The following ACADL variants were observed in gnomAD, a reference collection of about 807,000 sequenced individuals.
ACADL encodes the protein acyl-CoA dehydrogenase long chain.
Under a neutral mutation model 56.9 loss-of-function variants are expected in ACADL, and 60 were observed. That is an observed-to-expected ratio of 1.05 (90% CI 0.86 to 1.31). The LOEUF (loss-of-function observed/expected upper bound fraction) is 1.31. Among genes scored for constraint, ACADL ranks in the 50% most tolerant of loss-of-function variants. ACADL has a pLI of 0.00. For missense variants in ACADL, 484 were observed against 525.5 expected (o/e 0.92, Z 0.77); for synonymous variants, 158 against 179.7 (o/e 0.88, Z 0.97).
In ACADL at chr2:210,199,517, C is replaced by T. The variant is rs192523576; in HGVS notation, c.984+3814G>A. 2.6e-5 allele frequency among the ~76,000 whole-genome samples: 4 copies of T among 151,990 alleles called. No homozygotes were observed. In the East Asian group the frequency reaches 7.7e-4, roughly 29 times the overall value. ...AGAATATTTTTCCCCTATGAGAAAA[C>T]AATATGGACCACTTTCCTATTTCCT... On this transcript the variant is annotated intron_variant, in intron 8 of 10. Coordinates refer to ENST00000233710, the MANE Select transcript of ACADL (RefSeq NM_001608.4).
rs1688659173 is a variant in ACADL at position 210,192,982 on chromosome 2, T to A, written c.1113-92A>T. 7.4e-6 allele frequency: 7 copies of A among 939,664 alleles called. No homozygotes were observed. The East Asian group carries it at 1.8e-4, about 24-fold the overall frequency. 58.2% of individuals were successfully genotyped at this position (939,664 alleles called of 1,614,324 possible). On this transcript the variant is annotated intron_variant, in intron 9 of 10. Coordinates refer to ENST00000233710, the MANE Select transcript of ACADL (RefSeq NM_001608.4). ...CCAGAAAACTAATTATTTACAATTG[T>A]TTAAATGTGCACATTTATTAAGCAA...
intron 1 of ACADL, among the ~76,000 whole-genome samples, chr2:210,223,124 TA>T (rs1379536703): frequency 2.0e-5 from 3 of 152,066 alleles, no homozygotes; most frequent in African/African-American, 7.2e-5. Context: ...GTAAAATATA[TA>T]AAGACATAGG....
intron 8 of ACADL, among the ~76,000 whole-genome samples, chr2:210,198,157 T>C (rs1031454217): frequency 2.0e-5 from 3 of 152,184 alleles, no homozygotes; most frequent in African/African-American, 7.2e-5. Flanking sequence ...CATTAAAAAT[T>C]ATTCTGAAGT....
intron 7 of ACADL, among the ~76,000 whole-genome samples, chr2:210,204,122 T>G (rs995412733): frequency 5.9e-5 from 9 of 152,214 alleles, no homozygotes; most frequent in African/African-American, 2.2e-4. Flanking sequence ...AATAATCACT[T>G]GTCAACCATA....
At chr2:210,201,783 A>G (rs1456948996) in intron 8 of ACADL, among the ~76,000 whole-genome samples, 1 of 152,190 alleles carries the variant, frequency 6.6e-6, no homozygotes, top group East Asian at 1.9e-4. Flanking sequence ...AAAAGAAACT[A>G]TAGGGTCTAA....
At position 210,217,989 on chromosome 2, in the gene ACADL, G is replaced by T. The variant is rs770592066; in HGVS notation, c.347C>A (p.Ser116Tyr). Residue 116 changes from serine (S) to tyrosine (Y), a missense_variant, in exon 3 of 11, where the codon TCC (serine) becomes TAC (tyrosine). Ser to Tyr is a moderately radical substitution (Grantham distance 144, BLOSUM62 -2). Coordinates refer to ENST00000233710, the MANE Select transcript of ACADL (RefSeq NM_001608.4). Reference protein sequence around the residue: ...HLGGIGGDLYSAAIVWEEQAY... With the variant: ...HLGGIGGDLYYAAIVWEEQAY... Reference sequence around the variant, plus strand: ...CTGCTCCTCCCAGACAATAGCTGCGGAGTACAGATCCCCTCCAATTCCACC... The same window carrying T: ...CTGCTCCTCCCAGACAATAGCTGCGTAGTACAGATCCCCTCCAATTCCACC... 5 of 1,613,868 alleles carry T rather than the reference G, an allele frequency of 3.1e-6. No homozygotes were observed. In the African/African-American group the frequency reaches 6.7e-5, roughly 22 times the overall value.
In ACADL at chr2:210,204,562, A is replaced by C; in HGVS notation, c.870+19T>G. 2 of 1,504,424 alleles carry C rather than the reference A, an allele frequency of 1.3e-6. No individual in the cohort carries two copies. Among genetic ancestry groups the C allele is most frequent in the Non-Finnish European group, 1.9e-6 (2 of 1,080,870 alleles). 93.2% of individuals were successfully genotyped at this position (1,504,424 alleles called of 1,614,324 possible). On this transcript the variant is annotated intron_variant, in intron 7 of 10. Transcript: ENST00000233710. The stretch of plus-strand genomic sequence containing the variant: ...ATTCATTATTCAGTCAAAAGATGGA[A>C]TCTTTAAACACTTCTGACCTGTGGA...
In ACADL at chr2:210,220,983, C is replaced by T. The variant is rs149256415; in HGVS notation, c.78-181G>A. ...CGCCACCACTTTTGATGGGATCTAC[C>T]TCATGTAGCTGGAATTAAGAAGTAC... On this transcript the variant is annotated intron_variant, in intron 1 of 10. Transcript: ENST00000233710. Among the ~76,000 whole-genome samples the T allele has an allele frequency of 2.2e-3, 333 of 152,194 alleles. 2 individuals carry two copies. Among genetic ancestry groups the T allele is most frequent in the Non-Finnish European group, 3.9e-3 (265 of 67,998 alleles).
chr2:210,210,336 T>C (rs1575677725), intron 4 of ACADL, 74 bp from the exon 5 acceptor site: 2 of 1,146,920 alleles, frequency 1.7e-6, no homozygotes, highest in South Asian at 1.3e-5. Context: ...TAAGTATGTA[T>C]GTAAATTAGA....
At position 210,213,454 on chromosome 2, in the gene ACADL, C is replaced by T. The variant is rs376218748; in HGVS notation, c.536+2893G>A. Reference sequence around the variant, plus strand: ...GGTGGAGGTTGCAGTGAGCCGAGATCGCGCCATTGCACTCCAGCCTGGGTG... The same window carrying T: ...GGTGGAGGTTGCAGTGAGCCGAGATTGCGCCATTGCACTCCAGCCTGGGTG... On this transcript the variant is annotated intron_variant, in intron 4 of 10. Coordinates refer to ENST00000233710, the MANE Select transcript of ACADL (RefSeq NM_001608.4). Among the ~76,000 whole-genome samples, 58 of 151,786 alleles carry T rather than the reference C, an allele frequency of 3.8e-4. No individual in the cohort carries two copies. In the East Asian group the frequency reaches 9.9e-3, roughly 26 times the overall value.
intron 3 of ACADL, 43 bp downstream of exon 3, chr2:210,217,922 T>C (rs1427289473): frequency 1.2e-6 from 2 of 1,609,132 alleles, no homozygotes; most frequent in South Asian, 2.2e-5. Context: ...GTGAGTGGTG[T>C]GTTTACAAAA....
chr2:210,190,914 TTG>T (rs1460906344), intron 10 of ACADL, among the ~76,000 whole-genome samples: 6 of 113,600 alleles, frequency 5.3e-5, no homozygotes, highest in Non-Finnish European at 9.0e-5. Context: ...GTTGTTGTTG[TTG>T]TTGTTTGTTT....
intron 8 of ACADL, among the ~76,000 whole-genome samples, chr2:210,202,997 G>A (rs1423856496): frequency 6.6e-6 from 1 of 152,016 alleles, no homozygotes; most frequent in African/African-American, 2.4e-5. Flanking sequence ...ACTCCATGAA[G>A]CCCTCTTTCC....
At position 210,195,236 on chromosome 2, in the gene ACADL, C is replaced by T. The variant is rs149888279; in HGVS notation, c.1087G>A (p.Ala363Thr). ...CAATATTTCGCCATGCAAGCAGTGG[C>T]GGAGTCCAAACGTTTCGCTTCATGC... ...QLHEAKRLDS[A>T]TACMAKYWAS... The change falls in exon 9 of 11, where the codon GCC (alanine) becomes ACC (threonine). Residue 363 changes from alanine (A) to threonine (T), a missense_variant. Transcript: ENST00000233710. The T allele has an allele frequency of 4.0e-5, 65 of 1,613,840 alleles. No homozygotes were observed. In the African/African-American group the frequency reaches 4.7e-4, roughly 12 times the overall value.
intron 8 of ACADL, among the ~76,000 whole-genome samples, chr2:210,200,124 A>T (rs1255810292): frequency 6.8e-6 from 1 of 147,788 alleles, no homozygotes; most frequent in Non-Finnish European, 1.5e-5. Flanking sequence ...TACTCATTCC[A>T]CTTTGGGTAC....
rs1575675406 is a variant in ACADL at position 210,204,601 on chromosome 2, T to C, written c.850A>G (p.Ile284Val). 5.6e-6 allele frequency: 9 copies of C among 1,608,920 alleles called. No individual in the cohort carries two copies. Among genetic ancestry groups the C allele is most frequent in the Non-Finnish European group, 7.7e-6 (9 of 1,175,528 alleles). ...LGEENKGFYY[I>V]MKELPQERLL... ...CTGACCTGTGGAAGCTCTTTCATGA[T>C]GTAATAGAAGCCTTTATTCTCTTCT... The change falls in exon 7 of 11, where the codon ATC becomes GTC. Residue 284 changes from isoleucine to valine, a missense_variant. By Grantham distance (29) the Ile-to-Val change is conservative. Transcript: ENST00000233710.
chr2:210,195,159 T>C, intron 9 of ACADL, 52 bp downstream of exon 9: 3 of 1,612,372 alleles, frequency 1.9e-6, no homozygotes, highest in Non-Finnish European at 2.5e-6. Flanking sequence ...ATTGGCAGAA[T>C]TCCATATCAG....
chr2:210,217,748 C>A (rs1407783612), intron 3 of ACADL: 3 of 557,396 alleles, frequency 5.4e-6, no homozygotes, highest in Non-Finnish European at 9.3e-6. Flanking sequence ...TTTTCAATAG[C>A]ACCTATTTCA....
At position 210,218,075 on chromosome 2, in the gene ACADL, C is replaced by G. The variant is rs1214106512; in HGVS notation, c.261G>C (p.Arg87Ser). Reference sequence around the variant, plus strand: ...GTTTTCCAGCTTTTTCCCAAACCTCCCTACTTACTTCTCCAGCTTTCTCCC... The same window carrying G: ...GTTTTCCAGCTTTTTCCCAAACCTCGCTACTTACTTCTCCAGCTTTCTCCC... ...SEWEKAGEVS[R>S]EVWEKAGKQG... The change falls in exon 3 of 11, where the codon AGG becomes AGC. Residue 87 changes from arginine (R) to serine (S), a missense_variant. Transcript: ENST00000233710. The G allele has an allele frequency of 1.2e-6, 2 of 1,613,672 alleles. No individual in the cohort carries two copies. Among genetic ancestry groups the G allele is most frequent in the African/African-American group, 2.7e-5 (2 of 74,828 alleles).
Sources: gnomAD v4.1 joint callset for allele counts (sites outside exome capture counted in the v4.1 genomes callset) on GRCh38, gnomAD v4.1.1 for gene constraint, MANE v1.5 for transcripts, NCBI Gene and HGNC (gene_info 2026-07-23, HGNC 2026-07-21) for gene names.